Variants in RNF38 observed in about 807,000 individuals in gnomAD.
RNF38 encodes the protein ring finger protein 38.
RNF38 carries 15 observed loss-of-function variants against 67.2 expected under a neutral mutation model. The ratio of observed to expected loss-of-function variants is 0.22; its 90% CI spans 0.15 to 0.34. RNF38 has a LOEUF of 0.34. Among genes scored for constraint, RNF38 ranks in the 10% least tolerant of loss-of-function variants. The pLI is 1.00. For synonymous variants in RNF38, 220 were observed against 218.8 expected, an observed-to-expected ratio of 1.01 and a Z score of -0.05; for missense variants, 524 against 639.9, an observed-to-expected ratio of 0.82 and a Z score of 1.95.
Position 36,376,239 on chromosome 9 carries a change from G to C in RNF38, c.163-112C>G, listed in dbSNP as rs913958676. 1.4e-5 allele frequency: 11 copies of C among 793,620 alleles called. No homozygotes were observed. In the African/African-American group the frequency reaches 2.0e-4, roughly 14 times the overall value. The allele number at this position is 793,620 out of a possible 1,614,324, so 49.2% of individuals were successfully genotyped here. The stretch of plus-strand genomic sequence containing the variant: ...AACCTAAAATCTAAAAATGTAAAGC[G>C]GGGAAAAAAATATATGCTATCAATT... On this transcript the variant is annotated intron_variant, in intron 2 of 11. Coordinates refer to ENST00000259605, the MANE Select transcript of RNF38 (RefSeq NM_022781.5).
intron 2 of RNF38, among the ~76,000 whole-genome samples, chr9:36,408,714 C>G (rs1244763628): frequency 6.6e-6 from 1 of 152,072 alleles, no homozygotes; most frequent in Non-Finnish European, 1.5e-5. Flanking sequence ...GCAGTTTACC[C>G]AGGAAGTCCC....
intron 1 of RNF38, among the ~76,000 whole-genome samples, chr9:36,430,093 T>C (rs547925228): frequency 1.2e-4 from 19 of 152,276 alleles, no homozygotes; most frequent in African/African-American, 4.6e-4. Flanking sequence ...TCCAACATAA[T>C]TATGTAGTAT....
intron 3 of RNF38, among the ~76,000 whole-genome samples, chr9:36,374,636 C>T (rs774369483): frequency 1.2e-4 from 19 of 152,290 alleles, no homozygotes; most frequent in South Asian, 8.3e-4. Flanking sequence ...ACTACAGGTG[C>T]GCACCACCAC....
At chr9:36,458,361 C>T (rs938058242) in intron 1 of RNF38, among the ~76,000 whole-genome samples, 3 of 152,302 alleles carry the variant, frequency 2.0e-5, no homozygotes, top group South Asian at 4.1e-4. Flanking sequence ...GCTGGCCACC[C>T]GAGCCAGCAG....
At chr9:36,446,810 GAA>G (rs60691553) in intron 1 of RNF38, among the ~76,000 whole-genome samples, 2 of 28,198 alleles carry the variant, frequency 7.1e-5, no homozygotes, top group African/African-American at 1.3e-4. Flanking sequence ...TCCGCCTCAA[GAA>G]AAAAAAAAAA....
At chr9:36,358,920 A>G (rs1834320400) in intron 4 of RNF38, among the ~76,000 whole-genome samples, 1 of 152,186 alleles carries the variant, frequency 6.6e-6, no homozygotes, top group Non-Finnish European at 1.5e-5. Flanking sequence ...CTGAGGCAGG[A>G]GAATCACTTG....
At chr9:36,451,500 T>TG (rs1839443553) in intron 1 of RNF38, among the ~76,000 whole-genome samples, 1 of 135,262 alleles carries the variant, frequency 7.4e-6, no homozygotes, top group South Asian at 2.5e-4. Context: ...AGTTTTTTTT[T>TG]TTTTTTTTTT....
At chr9:36,462,742 T>C (rs1298697117) in intron 1 of RNF38, among the ~76,000 whole-genome samples, 1 of 151,746 alleles carries the variant, frequency 6.6e-6, no homozygotes, top group Non-Finnish European at 1.5e-5. Flanking sequence ...TGGCATGATC[T>C]CAGCTCACCA....
At position 36,339,664 on chromosome 9, in the gene RNF38, TG is replaced by T. The variant is rs1832699607; in HGVS notation, c.*87del. On this transcript the variant is annotated 3_prime_UTR_variant, in exon 12 of 12. Coordinates refer to ENST00000259605, the MANE Select transcript of RNF38 (RefSeq NM_022781.5). ...TTGACCCTTTTGGTAAAGGGAGGGC[TG>T]GAAGCCACACAGATTAAGTTCAATG... The T allele has an allele frequency of 9.5e-7, 1 of 1,051,616 alleles. No individual in the cohort carries two copies. Among genetic ancestry groups the T allele is most frequent in the African/African-American group, 1.6e-5 (1 of 63,484 alleles). 65.1% of individuals were successfully genotyped at this position (1,051,616 alleles called of 1,614,324 possible).
At chr9:36,359,625 T>C (rs563517155) in intron 4 of RNF38, among the ~76,000 whole-genome samples, 5 of 152,326 alleles carry the variant, frequency 3.3e-5, no homozygotes, top group Non-Finnish European at 7.3e-5. Flanking sequence ...TTTTTGGCAT[T>C]GTCACACAGT....
At chr9:36,344,235 A>C (rs1398605160) in intron 10 of RNF38, among the ~76,000 whole-genome samples, 17 of 152,144 alleles carry the variant, frequency 1.1e-4, no homozygotes, top group Admixed American at 1.1e-3. Flanking sequence ...GGCTGGTCTC[A>C]AGCTCCTGAC....
At chr9:36,455,411 T>C (rs1425647111) in intron 1 of RNF38, among the ~76,000 whole-genome samples, 1 of 152,176 alleles carries the variant, frequency 6.6e-6, no homozygotes, top group Admixed American at 6.5e-5. Flanking sequence ...TTTTGTTTCT[T>C]TAATAGTAAG....
At chr9:36,399,303 T>G (rs1164946981) in intron 1 of RNF38, among the ~76,000 whole-genome samples, 1 of 152,098 alleles carries the variant, frequency 6.6e-6, no homozygotes, top group Non-Finnish European at 1.5e-5. Context: ...TTTTATATTT[T>G]ACAGATGAGA....
At chr9:36,424,274 T>C (rs1434873593) in intron 2 of RNF38, among the ~76,000 whole-genome samples, 2 of 152,142 alleles carry the variant, frequency 1.3e-5, no homozygotes, top group Non-Finnish European at 2.9e-5. Context: ...CCAACATGAG[T>C]TGCTGAGATA....
chr9:36,456,414 A>G (rs994387768), intron 1 of RNF38, among the ~76,000 whole-genome samples: 8 of 152,240 alleles, frequency 5.3e-5, no homozygotes, highest in African/African-American at 1.9e-4. Flanking sequence ...TATAATATGC[A>G]TTTCTGTGTG....
At chr9:36,372,510 T>C in intron 3 of RNF38, 1 of 712,680 alleles carries the variant, frequency 1.4e-6, no homozygotes. Flanking sequence ...GTAACTGAAA[T>C]CCTGCTAGAT....
chr9:36,391,550 C>T (rs1306141717), intron 1 of RNF38, among the ~76,000 whole-genome samples: 1 of 151,758 alleles, frequency 6.6e-6, no homozygotes, highest in Non-Finnish European at 1.5e-5. Flanking sequence ...TTCACTCAAT[C>T]CTACATTTAA....
At chr9:36,404,279 T>C (rs76597209), upstream of RNF38, among the ~76,000 whole-genome samples, 9,578 of 152,296 alleles carry the variant, frequency 0.063, 341 homozygotes, top group South Asian at 0.14. Flanking sequence ...CAGTAGTCTG[T>C]TGCACTGTTC....
At chr9:36,423,863 G>C (rs1290999962) in intron 2 of RNF38, among the ~76,000 whole-genome samples, 1 of 86,676 alleles carries the variant, frequency 1.2e-5, no homozygotes, top group Non-Finnish European at 2.7e-5. Flanking sequence ...GCAGGAGAAT[G>C]GCGTGAACCC....
Sources: gnomAD v4.1 joint callset for allele counts (sites outside exome capture counted in the v4.1 genomes callset) on GRCh38, gnomAD v4.1.1 for gene constraint, MANE v1.5 for transcripts, NCBI Gene and HGNC (gene_info 2026-07-23, HGNC 2026-07-21) for gene names.